NALF1: variants seen among roughly 807,000 people sequenced by gnomAD.
NALF1 encodes the protein NALCN channel auxiliary factor 1.
NALF1 carries 3 observed loss-of-function variants against 48.4 expected under a neutral mutation model. The ratio of observed to expected loss-of-function variants is 0.06; its 90% CI spans 0.03 to 0.16. The LOEUF (loss-of-function observed/expected upper bound fraction) is 0.16. Ranked by LOEUF, NALF1 falls within the 10% of genes least tolerant of loss-of-function variation. NALF1 has a pLI of 1.00. For missense variants in NALF1, 526 were observed against 571.5 expected, an observed-to-expected ratio of 0.92 and a Z score of 0.81; for synonymous variants, 262 against 245.7, an observed-to-expected ratio of 1.07 and a Z score of -0.62.
At chr13:107,438,840 A>AAAAAAAAAAAAAAAAAAAAAAAC in intron 1 of NALF1, among the ~76,000 whole-genome samples, 1 of 147,498 alleles carries the variant, frequency 6.8e-6, no homozygotes, top group African/African-American at 2.5e-5. Flanking sequence ...AAAAAAAAAA[A>AAAAAAAAAAAAAAAAAAAAAAAC]AAAAAAAAAA....
Position 107,166,556 on chromosome 13 carries a change from G to A in NALF1, c.*3941C>T, listed in dbSNP as rs1878663387. On this transcript the variant is annotated 3_prime_UTR_variant, in exon 3 of 3. Transcript: ENST00000375915. The stretch of plus-strand genomic sequence containing the variant: ...GAAAATTGTAAATGTCTTTGTTACT[G>A]AGAAAGAATGTAAATCATGCTTCAG... The A allele has an allele frequency of 6.6e-6, 1 of 152,168 alleles. No individual in the cohort carries two copies. Among genetic ancestry groups the A allele is most frequent in the Non-Finnish European group, 1.5e-5 (1 of 68,034 alleles). 9.4% of individuals were successfully genotyped at this position (152,168 alleles called of 1,614,324 possible). A position where few individuals can be genotyped will look rare whatever the true frequency, so the allele number is the denominator to read the frequency against.
At chr13:107,671,742 A>G (rs1880996612) in intron 1 of NALF1, among the ~76,000 whole-genome samples, 1 of 152,178 alleles carries the variant, frequency 6.6e-6, no homozygotes, top group Non-Finnish European at 1.5e-5. Context: ...TAAAACAACC[A>G]ATGACAAATA....
At chr13:107,519,022 C>A (rs766706034) in intron 1 of NALF1, among the ~76,000 whole-genome samples, 15 of 152,286 alleles carry the variant, frequency 9.8e-5, no homozygotes, top group Admixed American at 3.3e-4. Context: ...AGAGGATGTG[C>A]ATCCGAGTCA....
At chr13:107,631,090 T>G (rs1051664924) in intron 1 of NALF1, among the ~76,000 whole-genome samples, 1 of 152,158 alleles carries the variant, frequency 6.6e-6, no homozygotes, top group Non-Finnish European at 1.5e-5. Flanking sequence ...CACTACCTCA[T>G]GGGCTCAAGC....
intron 1 of NALF1, among the ~76,000 whole-genome samples, chr13:107,636,095 A>G (rs74522630): frequency 0.028 from 4,207 of 152,220 alleles, 77 homozygotes; most frequent in South Asian, 0.067. Flanking sequence ...GGCAAAAACC[A>G]TGATTACTTT....
chr13:107,306,309 G>C (rs1203068236), intron 1 of NALF1, among the ~76,000 whole-genome samples: 1 of 152,120 alleles, frequency 6.6e-6, no homozygotes. Flanking sequence ...AGATGTTCCT[G>C]CCTCCCATCT....
At chr13:107,819,683 TTC>T (rs35254661) in intron 1 of NALF1, among the ~76,000 whole-genome samples, 5,470 of 136,330 alleles carry the variant, frequency 0.04, 135 homozygotes, top group Non-Finnish European at 0.057. Flanking sequence ...CAGCTGGAAA[TTC>T]TCTCTCTCTC....
chr13:107,268,761 G>A (rs925175110), intron 1 of NALF1, among the ~76,000 whole-genome samples: 6 of 152,034 alleles, frequency 3.9e-5, no homozygotes, highest in African/African-American at 7.2e-5. Flanking sequence ...TCCAGGGGAC[G>A]GTATTCCAGT....
chr13:107,768,014 G>C (rs538958111), intron 1 of NALF1, among the ~76,000 whole-genome samples: 4 of 152,258 alleles, frequency 2.6e-5, no homozygotes, highest in Admixed American at 2.0e-4. Context: ...TATGATGAAG[G>C]GGGAGAACAG....
At chr13:107,772,338 T>C (rs1339934656) in intron 1 of NALF1, among the ~76,000 whole-genome samples, 3 of 152,188 alleles carry the variant, frequency 2.0e-5, no homozygotes, top group Non-Finnish European at 4.4e-5. Flanking sequence ...ACCGCTTTCC[T>C]ATACCATTAG....
intron 1 of NALF1, among the ~76,000 whole-genome samples, chr13:107,501,518 G>T (rs1450640214): frequency 1.3e-5 from 2 of 152,144 alleles, no homozygotes; most frequent in Non-Finnish European, 2.9e-5. Context: ...TTAAAGAGAA[G>T]ATCTGCTTTC....
chr13:107,747,223 A>T (rs1040792134), intron 1 of NALF1, among the ~76,000 whole-genome samples: 1 of 152,184 alleles, frequency 6.6e-6, no homozygotes, highest in Admixed American at 6.5e-5. Context: ...ATTTCTTCAC[A>T]GCATTATTTG....
chr13:107,628,068 C>T (rs1199520839), intron 1 of NALF1, among the ~76,000 whole-genome samples: 1 of 152,066 alleles, frequency 6.6e-6, no homozygotes, highest in East Asian at 1.9e-4. Flanking sequence ...ACAGATCAGA[C>T]ATTCTCTGTC....
Position 107,425,442 on chromosome 13 carries a change from A to G in NALF1, c.916-214687T>C, listed in dbSNP as rs924004955. 3.9e-5 allele frequency among the ~76,000 whole-genome samples: 6 copies of G among 152,290 alleles called. No individual in the cohort carries two copies. The East Asian group carries it at 1.2e-3, about 29-fold the overall frequency. On this transcript the variant is annotated intron_variant, in intron 1 of 2. Coordinates refer to ENST00000375915, the MANE Select transcript of NALF1 (RefSeq NM_001080396.3). ...AATGTTATTCAGAAAATATTGACTCATTTATTATTTTTTAAAGAACATATT... is the reference window on the plus strand; with the variant it reads ...AATGTTATTCAGAAAATATTGACTCGTTTATTATTTTTTAAAGAACATATT...
intron 1 of NALF1, among the ~76,000 whole-genome samples, chr13:107,759,783 G>A (rs180731151): frequency 2.5e-4 from 37 of 150,772 alleles, no homozygotes; most frequent in African/African-American, 9.0e-4. Flanking sequence ...TTTTTTTCTG[G>A]GACTTAGTTA....
chr13:107,792,554 T>C (rs567207063), intron 1 of NALF1, among the ~76,000 whole-genome samples: 5 of 152,300 alleles, frequency 3.3e-5, no homozygotes, highest in South Asian at 4.1e-4. Flanking sequence ...AAATGGGACA[T>C]TGTAAGTGCA....
intron 1 of NALF1, among the ~76,000 whole-genome samples, chr13:107,771,909 G>A (rs1342647882): frequency 6.6e-6 from 1 of 152,046 alleles, no homozygotes; most frequent in African/African-American, 2.4e-5. Context: ...GCTAATTTTT[G>A]TATTTTTAGT....
At chr13:107,612,935 T>G (rs1313636553) in intron 1 of NALF1, among the ~76,000 whole-genome samples, 1 of 152,026 alleles carries the variant, frequency 6.6e-6, no homozygotes, top group Non-Finnish European at 1.5e-5. Flanking sequence ...GCTCCATTTC[T>G]TTGGAGAACC....
chr13:107,761,962 A>T (rs1426333182), intron 1 of NALF1, among the ~76,000 whole-genome samples: 1 of 152,212 alleles, frequency 6.6e-6, no homozygotes, highest in East Asian at 1.9e-4. Context: ...TGCTATGTAA[A>T]TGTCAGTGAT....
Sources: allele counts gnomAD v4.1 joint callset (sites outside exome capture counted in the v4.1 genomes callset), GRCh38; gene constraint gnomAD v4.1.1; transcripts MANE v1.5; gene names NCBI Gene and HGNC (gene_info 2026-07-23, HGNC 2026-07-21).